The following C11orf65 variants were observed in gnomAD, a reference collection of about 807,000 sequenced individuals.
C11orf65 encodes the protein chromosome 11 open reading frame 65, also known as protein MFI.
Under a neutral mutation model 35.3 loss-of-function variants are expected in C11orf65, and 38 were observed. The observed-to-expected ratio is 1.08, with a 90% CI of 0.83 to 1.41. C11orf65 has a LOEUF of 1.41. Ranked by LOEUF, C11orf65 falls within the 40% of genes most tolerant of loss-of-function variation. The pLI, the probability that C11orf65 is intolerant of heterozygous loss-of-function variation, is 0.00. For missense variants in C11orf65, 370 were observed against 367.1 expected, an observed-to-expected ratio of 1.01 and a Z score of -0.06; for synonymous variants, 105 against 114.4, an observed-to-expected ratio of 0.92 and a Z score of 0.53.
chr11:108,427,924 G>A (rs1226358673), intron 3 of C11orf65, among the ~76,000 whole-genome samples: 4 of 115,878 alleles, frequency 3.5e-5, no homozygotes, highest in African/African-American at 1.3e-4. Flanking sequence ...TCCGCCTCCC[G>A]GGTTCACGCC....
At chr11:108,316,403 G>A (rs1188981683) in intron 6 of C11orf65, among the ~76,000 whole-genome samples, 3 of 152,084 alleles carry the variant, frequency 2.0e-5, no homozygotes, top group Admixed American at 6.5e-5. Context: ...GACATTGCTC[G>A]AGCATATACA....
chr11:108,406,714 TG>T (rs1160774422), intron 5 of C11orf65, 48 bp downstream of exon 5: 2 of 1,163,584 alleles, frequency 1.7e-6, no homozygotes, highest in African/African-American at 3.1e-5. Flanking sequence ...AAAAGACAAA[TG>T]GGTTTCTAAA....
intron 1 of C11orf65, among the ~76,000 whole-genome samples, chr11:108,464,586 T>C (rs2093511880): frequency 6.6e-6 from 1 of 151,954 alleles, no homozygotes; most frequent in African/African-American, 2.4e-5. Context: ...GGTCTCCATC[T>C]CTTGACCTCG....
intron 3 of C11orf65, chr11:108,333,843 G>A (rs753861164): frequency 2.7e-6 from 4 of 1,460,158 alleles, no homozygotes; most frequent in Non-Finnish European, 3.8e-6. Context: ...CTTCAATGCT[G>A]TTCCTCAGTT....
chr11:108,350,034 A>T (rs1456119413), intron 2 of C11orf65, among the ~76,000 whole-genome samples: 1 of 152,158 alleles, frequency 6.6e-6, no homozygotes, highest in Non-Finnish European at 1.5e-5. Context: ...TAAGAATTGG[A>T]GGGATGGTAA....
chr11:108,438,500 G>A (rs1465244782), intron 2 of C11orf65, among the ~76,000 whole-genome samples: 2 of 151,694 alleles, frequency 1.3e-5, no homozygotes, highest in Non-Finnish European at 1.5e-5. Flanking sequence ...GCACTGAGCT[G>A]AGATTGAGTC....
chr11:108,445,512 G>A (rs921484175), intron 2 of C11orf65, among the ~76,000 whole-genome samples: 3 of 152,144 alleles, frequency 2.0e-5, no homozygotes, highest in Non-Finnish European at 1.5e-5. Flanking sequence ...AGGCAAACAG[G>A]GTCTGGAGTG....
intron 6 of C11orf65, among the ~76,000 whole-genome samples, chr11:108,311,544 A>G (rs917735896): frequency 6.6e-6 from 1 of 152,100 alleles, no homozygotes; most frequent in African/African-American, 2.4e-5. Context: ...AAAAATAAAA[A>G]TAAATCAGCT....
chr11:108,415,221 T>C (rs1398312247), intron 3 of C11orf65, among the ~76,000 whole-genome samples: 7 of 152,272 alleles, frequency 4.6e-5, no homozygotes, highest in Non-Finnish European at 1.0e-4. Flanking sequence ...AGAACTGTCT[T>C]TGTTCTCAGA....
chr11:108,395,808 AGACGGGATT>A (rs757489129), intron 6 of C11orf65, among the ~76,000 whole-genome samples: 1 of 150,196 alleles, frequency 6.7e-6, no homozygotes, highest in Non-Finnish European at 1.5e-5. Flanking sequence ...TTTTTAGTAG[AGACGGGATT>A]TCACCGTGTG....
chr11:108,332,999 C>G (rs1181902896), intron 3 of C11orf65: 1 of 1,431,392 alleles, frequency 7.0e-7, no homozygotes, highest in Non-Finnish European at 9.6e-7. Context: ...TGCTTAAAAT[C>G]ACAAACGTAA....
intron 2 of C11orf65, among the ~76,000 whole-genome samples, chr11:108,356,615 T>TTACTC (rs1484529024): frequency 6.6e-6 from 1 of 152,042 alleles, no homozygotes; most frequent in African/African-American, 2.4e-5. Context: ...CTTTAGTATT[T>TTACTC]TACTCTACCT....
chr11:108,369,868 T>G (rs2091504041), intron 2 of C11orf65, among the ~76,000 whole-genome samples: 1 of 152,206 alleles, frequency 6.6e-6, no homozygotes, highest in Non-Finnish European at 1.5e-5. Context: ...CTAGGGAGAT[T>G]AAATGTTTTA....
chr11:108,419,851 A>C (rs551766144), intron 3 of C11orf65, among the ~76,000 whole-genome samples: 1 of 152,382 alleles, frequency 6.6e-6, no homozygotes, highest in South Asian at 2.1e-4. Flanking sequence ...TCTGAAATCC[A>C]GAATAAGACA....
At chr11:108,340,742 C>G (rs969119529) in intron 2 of C11orf65, among the ~76,000 whole-genome samples, 11 of 152,140 alleles carry the variant, frequency 7.2e-5, no homozygotes, top group Non-Finnish European at 1.5e-5. Context: ...CCAGAGCCCC[C>G]TGTGGATACT....
intron 6 of C11orf65, among the ~76,000 whole-genome samples, chr11:108,400,958 A>T (rs764029375): frequency 1.4e-4 from 22 of 151,982 alleles, no homozygotes; most frequent in Non-Finnish European, 3.1e-4. Context: ...TACAAAAAAA[A>T]ATTAGCCAGG....
chr11:108,310,977 C>T (rs189342343), intron 6 of C11orf65, among the ~76,000 whole-genome samples: 7 of 152,138 alleles, frequency 4.6e-5, no homozygotes, highest in East Asian at 1.9e-4. Context: ...AATGTTTGTT[C>T]GTTTGAAATG....
At chr11:108,379,170 A>G (rs2091806743), downstream of C11orf65, among the ~76,000 whole-genome samples, 1 of 152,172 alleles carries the variant, frequency 6.6e-6, no homozygotes, top group South Asian at 2.1e-4. Context: ...ATAAAGACAC[A>G]TGCACACGTA....
intron 3 of C11orf65, among the ~76,000 whole-genome samples, chr11:108,427,238 A>G (rs2092915236): frequency 6.6e-6 from 1 of 152,084 alleles, no homozygotes; most frequent in South Asian, 2.1e-4. Context: ...AACTATCATC[A>G]GAATGAACAG....
Sources: allele counts gnomAD v4.1 joint callset (sites outside exome capture counted in the v4.1 genomes callset), GRCh38; gene constraint gnomAD v4.1.1; transcripts MANE v1.5; gene names NCBI Gene and HGNC (gene_info 2026-07-23, HGNC 2026-07-21).